Variants in DENND3 observed in about 807,000 individuals in gnomAD.
The protein encoded by DENND3 is DENN domain containing 3.
In DENND3, 88 loss-of-function variants were observed where a neutral mutation model predicts 135.1. The ratio of observed to expected loss-of-function variants is 0.65; its 90% CI spans 0.55 to 0.78. The LOEUF (loss-of-function observed/expected upper bound fraction) is 0.78. Ranked by LOEUF, DENND3 falls within the 30% of genes least tolerant of loss-of-function variation. The pLI, the probability that DENND3 is intolerant of heterozygous loss-of-function variation, is 0.00. For missense variants in DENND3, 1,392 were observed against 1,688.4 expected (o/e 0.82, Z 3.08); for synonymous variants, 693 against 712.3 (o/e 0.97, Z 0.43).
intron 19 of DENND3, among the ~76,000 whole-genome samples, 190 bp downstream of exon 19, chr8:141,189,336 A>G (rs1454611392): frequency 6.6e-6 from 1 of 152,218 alleles, no homozygotes; most frequent in Non-Finnish European, 1.5e-5. Context: ...AGAACCCATG[A>G]CACCAGTGTG....
chr8:141,153,979 C>A (rs1055195255), intron 7 of DENND3, among the ~76,000 whole-genome samples: 1 of 152,188 alleles, frequency 6.6e-6, no homozygotes, highest in Non-Finnish European at 1.5e-5. Context: ...GCGGTGGGAT[C>A]TGCAGGAAGG....
intron 20 of DENND3, chr8:141,191,350 GTATCAA>G (rs1442991200): frequency 6.6e-6 from 1 of 152,258 alleles, no homozygotes; most frequent in Non-Finnish European, 1.5e-5. Flanking sequence ...GACGTTCTGA[GTATCAA>G]TATCAATAGC....
chr8:141,147,106 C>T lies in DENND3; in HGVS notation c.735+2847C>T, dbSNP rs116161987. On this transcript the variant is annotated intron_variant, in intron 5 of 22. Transcript: ENST00000519811. ...AAGGTGACTGAGGGTTGCCGCTGGC[C>T]TGCTCTTCCCTCACCCATTCCGTCC... Among the ~76,000 whole-genome samples, 959 of 152,314 alleles carry T rather than the reference C, an allele frequency of 6.3e-3. 9 individuals carry two copies. Among genetic ancestry groups the T allele is most frequent in the African/African-American group, 0.021 (882 of 41,560 alleles).
At position 141,160,989 on chromosome 8, in the gene DENND3, C is replaced by T. The variant is rs190645687; in HGVS notation, c.1352+202C>T. ...AGGGAGTTTGTTCTTTTGATTCTGA[C>T]CTTGCCTGTGCCTTCCTAACACCCT... On this transcript the variant is annotated intron_variant, in intron 9 of 22. Coordinates refer to ENST00000519811, the MANE Select transcript of DENND3 (RefSeq NM_001352890.3). Among the ~76,000 whole-genome samples, 370 of 152,324 alleles carry T rather than the reference C, an allele frequency of 2.4e-3. 1 individual carries two copies. Among genetic ancestry groups the T allele is most frequent in the African/African-American group, 8.7e-3 (361 of 41,574 alleles).
In DENND3 at chr8:141,168,592, G is replaced by A. The variant is rs944628618; in HGVS notation, c.2275+67G>A. The A allele has an allele frequency of 2.0e-6, 3 of 1,517,046 alleles. No individual in the cohort carries two copies. The African/African-American group carries it at 4.2e-5, about 21-fold the overall frequency. The allele number at this position is 1,517,046 out of a possible 1,614,324, so 94.0% of individuals were successfully genotyped here. On this transcript the variant is annotated intron_variant, in intron 13 of 22. Transcript: ENST00000519811. The surrounding 1 kb of genome is among the most constrained non-coding windows in gnomAD (Gnocchi z 6.2). ...AGACAGGGTCTGGCTCTGTCGCCCA[G>A]GCTGGAGTGGACTGGCAATCACAGC...
intron 4 of DENND3, 184 bp from the exon 5 acceptor site, chr8:141,143,964 C>T (rs1817754213): frequency 1.9e-6 from 1 of 535,542 alleles, no homozygotes; most frequent in Non-Finnish European, 3.3e-6. Flanking sequence ...ACCTGTCAGG[C>T]ACTACCGCAG....
At position 141,165,272 on chromosome 8, in the gene DENND3, C is replaced by T. The variant is rs1244195390; in HGVS notation, c.1536C>T (p.Thr512=). The T allele has an allele frequency of 5.0e-6, 8 of 1,614,036 alleles. No homozygotes were observed. The highest frequency in any genetic ancestry group is 1.3e-5 in the African/African-American group (1 of 75,042). ...CCTTTGCTCAGATGGACCTCGACAC[C>T]CAGTCGGAGGAGGACAGGTGCTTCA... is the stretch of plus-strand genomic sequence containing the variant. ...MDAFAQMDLD[T]QSEEDRINGM... The change falls in exon 11 of 23, where the codon ACC becomes ACT. Residue 512 remains threonine (T), a synonymous_variant. Coordinates refer to ENST00000519811, the MANE Select transcript of DENND3 (RefSeq NM_001352890.3).
At chr8:141,181,070 A>G (rs1298978111) in intron 17 of DENND3, among the ~76,000 whole-genome samples, 1 of 152,206 alleles carries the variant, frequency 6.6e-6, no homozygotes, top group South Asian at 2.1e-4. Context: ...CTGGAGCCAG[A>G]GAGCCCACGG....
chr8:141,167,515 G>A lies in DENND3; in HGVS notation c.1754-489G>A, dbSNP rs1820963642. On this transcript the variant is annotated intron_variant, in intron 12 of 22. Coordinates refer to ENST00000519811, the MANE Select transcript of DENND3 (RefSeq NM_001352890.3). The surrounding 1 kb of genome is among the most constrained non-coding windows in gnomAD (Gnocchi z 4.1). ...TGTGAGACACACACCTGGTTGAAGT[G>A]TGGCTCAGGCACTTAGTCGCTGTGT... Among the ~76,000 whole-genome samples the A allele has an allele frequency of 6.6e-6, 1 of 152,202 alleles. No homozygotes were observed. The highest frequency in any genetic ancestry group is 2.4e-5 in the African/African-American group (1 of 41,436).
intron 18 of DENND3, 138 bp downstream of exon 18, chr8:141,185,416 C>G: frequency 8.8e-7 from 1 of 1,132,474 alleles, no homozygotes; most frequent in Non-Finnish European, 1.2e-6. Context: ...GGGGTCTTAA[C>G]TTTCACCTGG....
chr8:141,163,308 C>G, intron 9 of DENND3, 25 bp from the exon 10 acceptor site: 2 of 1,444,104 alleles, frequency 1.4e-6, no homozygotes, highest in Non-Finnish European at 1.9e-6. Context: ...AGTTTTAGCA[C>G]TCAGACTCTC....
intron 17 of DENND3, among the ~76,000 whole-genome samples, chr8:141,184,157 GA>G (rs1413758783): frequency 6.6e-6 from 1 of 152,246 alleles, no homozygotes; most frequent in Non-Finnish European, 1.5e-5. Context: ...TTGAGAGGGT[GA>G]AAATGTAAGC....
chr8:141,155,205 A>G (rs1233662192), intron 7 of DENND3, among the ~76,000 whole-genome samples: 1 of 152,062 alleles, frequency 6.6e-6, no homozygotes, highest in African/African-American at 2.4e-5. Context: ...TGCTTGCACA[A>G]CCACTCGAAT....
intron 1 of DENND3, among the ~76,000 whole-genome samples, chr8:141,131,235 A>AC (rs1816052072): frequency 4.6e-5 from 7 of 151,732 alleles, no homozygotes; most frequent in Admixed American, 4.6e-4. Flanking sequence ...ATTCCCCTCC[A>AC]CCCCTTTACT....
Position 141,141,081 on chromosome 8 carries a change from G to T in DENND3, c.502-122G>T, listed in dbSNP as rs376146087. On this transcript the variant is annotated intron_variant, in intron 3 of 22. Transcript: ENST00000519811. The surrounding 1 kb of genome is among the most constrained non-coding windows in gnomAD (Gnocchi z 5.3). Reference sequence around the variant, plus strand: ...GGAGGGCCGGTGCTGGCTTGGACGCGTTGCAGGGGTGGGGATGGTGGACTC... The same window carrying T: ...GGAGGGCCGGTGCTGGCTTGGACGCTTTGCAGGGGTGGGGATGGTGGACTC... 1 of 1,488,430 alleles carries T rather than the reference G, an allele frequency of 6.7e-7. No homozygotes were observed. Among genetic ancestry groups the T allele is most frequent in the African/African-American group, 1.4e-5 (1 of 72,886 alleles). 92.2% of individuals were successfully genotyped at this position (1,488,430 alleles called of 1,614,324 possible).
rs1233132490 is a variant in DENND3, at chr8:141,137,182, G to A, written c.385+391G>A. Among the ~76,000 whole-genome samples the A allele has an allele frequency of 6.6e-6, 1 of 152,072 alleles. No homozygotes were observed. Among genetic ancestry groups the A allele is most frequent in the African/African-American group, 2.4e-5 (1 of 41,402 alleles). On this transcript the variant is annotated intron_variant, in intron 2 of 22. Coordinates refer to ENST00000519811, the MANE Select transcript of DENND3 (RefSeq NM_001352890.3). The surrounding 1 kb of genome is among the most constrained non-coding windows in gnomAD (Gnocchi z 4.1). ...TTTAGTAGAAATGGGGTTTCACCAT[G>A]TTGGCCAGGCTGGTCTTGAACTCTT...
intron 1 of DENND3, among the ~76,000 whole-genome samples, chr8:141,135,022 G>T (rs1483622336): frequency 6.6e-6 from 1 of 152,086 alleles, no homozygotes; most frequent in Non-Finnish European, 1.5e-5. Flanking sequence ...TGTATTTTTA[G>T]TAGAGACGGG....
In DENND3 at chr8:141,128,601, C is replaced by T. The variant is rs1229195231; in HGVS notation, c.-107C>T. 1 of 564,054 alleles carries T rather than the reference C, an allele frequency of 1.8e-6. No homozygotes were observed. The highest frequency in any genetic ancestry group is 8.0e-5 in the South Asian group (1 of 12,426). The allele number at this position is 564,054 out of a possible 1,614,324, so 34.9% of individuals were successfully genotyped here. On this transcript the variant is annotated 5_prime_UTR_variant, in exon 1 of 23. Coordinates refer to ENST00000519811, the MANE Select transcript of DENND3 (RefSeq NM_001352890.3). This position sits in a 1 kb window ranked among gnomAD's most constrained non-coding sequence, Gnocchi z 4.5. ...CCAGCCCCGCCCCGCAGACGGCGCT[C>T]GCAGCGCCCCCGGCCCCCAGGCGGC...
intron 9 of DENND3, among the ~76,000 whole-genome samples, chr8:141,161,767 G>A (rs748353111): frequency 2.0e-5 from 3 of 149,908 alleles, no homozygotes; most frequent in Non-Finnish European, 3.0e-5. Context: ...CGTACTCTGC[G>A]TGATTATTTC....
Sources: gnomAD v4.1 joint callset for allele counts (sites outside exome capture counted in the v4.1 genomes callset) on GRCh38, gnomAD v4.1.1 for gene constraint, Gnocchi (gnomAD v3.1) non-coding constraint, MANE v1.5 for transcripts, NCBI Gene and HGNC (gene_info 2026-07-23, HGNC 2026-07-21) for gene names.